ELMO1: variants seen among roughly 807,000 people sequenced by gnomAD.
ELMO1 encodes the protein engulfment and cell motility 1.
In ELMO1, 26 loss-of-function variants were observed where a neutral mutation model predicts 98.9. The observed-to-expected ratio is 0.26, with a 90% CI of 0.19 to 0.36. The LOEUF is 0.36. Ranked by LOEUF, ELMO1 falls within the 10% of genes least tolerant of loss-of-function variation. ELMO1 has a pLI of 1.00. For missense variants in ELMO1, 627 were observed against 935.2 expected, an observed-to-expected ratio of 0.67 and a Z score of 4.30; for synonymous variants, 346 against 346.0, an observed-to-expected ratio of 1.00 and a Z score of 0.00.
chr7:36,949,940 C>A (rs555890495), intron 16 of ELMO1, among the ~76,000 whole-genome samples: 1 of 152,204 alleles, frequency 6.6e-6, no homozygotes, highest in Non-Finnish European at 1.5e-5. Flanking sequence ...CCCAAAGTCC[C>A]GTGGCTAAGC....
In ELMO1 at chr7:37,205,564, C is replaced by A. The variant is rs554725863; in HGVS notation, c.1086+5822G>T. Reference sequence around the variant, plus strand: ...AGCACTTCAGCACTACATTTAAGGGCCATTTGAAACTGAAATTACCATCAG... The same window carrying A: ...AGCACTTCAGCACTACATTTAAGGGACATTTGAAACTGAAATTACCATCAG... On this transcript the variant is annotated intron_variant, in intron 13 of 21. Coordinates refer to ENST00000310758, the MANE Select transcript of ELMO1 (RefSeq NM_014800.11). 2.6e-5 allele frequency among the ~76,000 whole-genome samples: 4 copies of A among 152,156 alleles called. No individual in the cohort carries two copies. In the East Asian group the frequency reaches 7.7e-4, roughly 29 times the overall value.
At chr7:37,188,487 T>TAAAAAAAA (rs869157346) in intron 13 of ELMO1, among the ~76,000 whole-genome samples, 59 of 32,040 alleles carry the variant, frequency 1.8e-3, no homozygotes, top group African/African-American at 4.8e-3. Context: ...TGGAGAAAGG[T>TAAAAAAAA]AAAAAAAAAA....
intron 1 of ELMO1, among the ~76,000 whole-genome samples, chr7:37,369,319 A>G (rs560415989): frequency 6.6e-6 from 1 of 152,306 alleles, no homozygotes; most frequent in South Asian, 2.1e-4. Context: ...CATTATACCT[A>G]CTGGCTGAGC....
intron 1 of ELMO1, among the ~76,000 whole-genome samples, chr7:37,356,693 G>A (rs1801513133): frequency 6.6e-6 from 1 of 151,506 alleles, no homozygotes; most frequent in African/African-American, 2.4e-5. Flanking sequence ...AAACCACCAT[G>A]GCATGTGTAT....
chr7:36,957,074 T>C lies in ELMO1; in HGVS notation c.1437+56225A>G, dbSNP rs369455168. On this transcript the variant is annotated intron_variant, in intron 16 of 21. Transcript: ENST00000310758. The stretch of plus-strand genomic sequence containing the variant: ...GTCAGCCTTGTTTCTGTGGAGAGGA[T>C]GGCACCAGCTCTTTTCCAATGTAAA... 2.6e-4 allele frequency among the ~76,000 whole-genome samples: 39 copies of C among 152,386 alleles called. No homozygotes were observed. In the East Asian group the frequency reaches 2.9e-3, roughly 11 times the overall value.
At chr7:37,243,744 C>T (rs1052877246) in intron 7 of ELMO1, among the ~76,000 whole-genome samples, 2 of 152,104 alleles carry the variant, frequency 1.3e-5, no homozygotes, top group African/African-American at 4.8e-5. Context: ...AAAATCTGTT[C>T]GGCCTACTTC....
intron 16 of ELMO1, among the ~76,000 whole-genome samples, chr7:36,974,651 C>T (rs530075063): frequency 1.3e-5 from 2 of 152,096 alleles, no homozygotes; most frequent in Non-Finnish European, 2.9e-5. Context: ...TGGGTGGGGC[C>T]AGATAAGAGA....
intron 16 of ELMO1, among the ~76,000 whole-genome samples, chr7:36,984,056 T>C (rs1791306554): frequency 6.6e-6 from 1 of 151,776 alleles, no homozygotes; most frequent in Non-Finnish European, 1.5e-5. Context: ...AGCACTTCGC[T>C]CATGTAAAGT....
intron 1 of ELMO1, among the ~76,000 whole-genome samples, chr7:37,399,456 C>G (rs910828282): frequency 1.3e-5 from 2 of 152,192 alleles, no homozygotes; most frequent in African/African-American, 2.4e-5. Context: ...CACCTTGCAC[C>G]AGGCACATGT....
chr7:37,275,641 G>C (rs918094561), intron 4 of ELMO1, among the ~76,000 whole-genome samples: 2 of 152,186 alleles, frequency 1.3e-5, no homozygotes, highest in Non-Finnish European at 1.5e-5. Flanking sequence ...AGCAATTACT[G>C]CTGTCCCAGA....
rs1475089387 is a variant in ELMO1, at chr7:37,292,951, G to A, written c.193-21069C>T. On this transcript the variant is annotated intron_variant, in intron 4 of 21. Transcript: ENST00000310758. ...AGTCCCCCGCCTGGCCAGCCGCCCC[G>A]TCCGGGAAGTGAGGGGCGCCTCTGC... Among the ~76,000 whole-genome samples, 8 of 37,800 alleles carry A rather than the reference G, an allele frequency of 2.1e-4. 3 individuals are homozygous for A. Among genetic ancestry groups the A allele is most frequent in the Middle Eastern group, 0.029 (2 of 70 alleles). 24.8% of individuals were successfully genotyped at this position (37,800 alleles called of 152,430 possible). A position where few individuals can be genotyped will look rare whatever the true frequency, so the allele number is the denominator to read the frequency against.
chr7:37,231,269 G>A (rs1485729534), intron 8 of ELMO1, among the ~76,000 whole-genome samples: 1 of 151,450 alleles, frequency 6.6e-6, no homozygotes, highest in Admixed American at 6.6e-5. Flanking sequence ...TCATTCAACC[G>A]ATTAGGGCCA....
chr7:37,339,766 A>C (rs573498572), intron 2 of ELMO1, among the ~76,000 whole-genome samples: 1 of 152,244 alleles, frequency 6.6e-6, no homozygotes, highest in Non-Finnish European at 1.5e-5. Flanking sequence ...TATGTGATTA[A>C]TAGGAGGCCT....
chr7:36,894,846 T>A lies in ELMO1; in HGVS notation c.1601+8A>T. On this transcript the variant is annotated splice_region_variant and intron_variant, in intron 17 of 21. Coordinates refer to ENST00000310758, the MANE Select transcript of ELMO1 (RefSeq NM_014800.11). Reference sequence around the variant, plus strand: ...TTGGGAGATAGAAGTCAATACTAGGTAACTTACAAAATCGGGCGGGACTGG... The same window carrying A: ...TTGGGAGATAGAAGTCAATACTAGGAAACTTACAAAATCGGGCGGGACTGG... The A allele has an allele frequency of 3.1e-6, 5 of 1,614,044 alleles. No homozygotes were observed. The highest frequency in any genetic ancestry group is 4.2e-6 in the Non-Finnish European group (5 of 1,179,968).
At chr7:37,189,996 T>C (rs537789193) in intron 13 of ELMO1, among the ~76,000 whole-genome samples, 42 of 143,860 alleles carry the variant, frequency 2.9e-4, no homozygotes, top group Middle Eastern at 3.7e-3. Flanking sequence ...CTACAAACCA[T>C]GCCAAATCAG....
rs148597635 is a variant in ELMO1, at chr7:37,112,330, C to T, written c.1192-15603G>A. 1.9e-3 allele frequency among the ~76,000 whole-genome samples: 284 copies of T among 152,000 alleles called. 1 individual carries two copies. Among genetic ancestry groups the T allele is most frequent in the Non-Finnish European group, 2.4e-3 (164 of 67,950 alleles). On this transcript the variant is annotated intron_variant, in intron 14 of 21. Coordinates refer to ENST00000310758, the MANE Select transcript of ELMO1 (RefSeq NM_014800.11). ...GAAGCAAAACTAATGAAAGAGGAGC[C>T]TAAAGGGTGAGGTTCTGCAGGATTA...
rs1200356691 is a variant in ELMO1, at chr7:37,213,336, T to TG, written c.952dup (p.Gln318ProfsTer9). On this transcript the variant is annotated frameshift_variant and splice_region_variant, in exon 12 of 22. Transcript: ENST00000310758. LOFTEE classifies it high-confidence loss of function. ...GACTGCTGTCCAATGAGCACTCACC[T>TG]GGTCCTGGGGGTCCATTTTGGTCAT... 6.2e-7 allele frequency: 1 copy of TG among 1,612,764 alleles called. No homozygotes were observed. The highest frequency in any genetic ancestry group is 8.5e-7 in the Non-Finnish European group (1 of 1,179,610).
At chr7:37,213,043 T>C (rs906691877) in intron 12 of ELMO1, among the ~76,000 whole-genome samples, 1 of 152,180 alleles carries the variant, frequency 6.6e-6, no homozygotes, top group Non-Finnish European at 1.5e-5. Flanking sequence ...TACTATTAAA[T>C]GTTACTTGGG....
intron 4 of ELMO1, among the ~76,000 whole-genome samples, chr7:37,311,677 G>C (rs1393998060): frequency 1.3e-5 from 2 of 152,176 alleles, no homozygotes; most frequent in Non-Finnish European, 2.9e-5. Flanking sequence ...TGAGCTCCGT[G>C]ACACATGCAC....
Sources: allele counts gnomAD v4.1 joint callset (sites outside exome capture counted in the v4.1 genomes callset), GRCh38; gene constraint gnomAD v4.1.1; transcripts MANE v1.5; gene names NCBI Gene and HGNC (gene_info 2026-07-23, HGNC 2026-07-21).